ARHGAP32: variants seen among roughly 807,000 people sequenced by gnomAD.
ARHGAP32 encodes the protein rho GTPase-activating protein 32.
ARHGAP32 carries 51 observed loss-of-function variants against 186.5 expected under a neutral mutation model. The ratio of observed to expected loss-of-function variants is 0.27; its 90% CI spans 0.22 to 0.35. The LOEUF is 0.35. Ranked by LOEUF, ARHGAP32 falls within the 10% of genes least tolerant of loss-of-function variation. The pLI is 1.00. For synonymous variants in ARHGAP32, 950 were observed against 964.3 expected, an observed-to-expected ratio of 0.99 and a Z score of 0.27; for missense variants, 2,186 against 2,623.5, an observed-to-expected ratio of 0.83 and a Z score of 3.64.
At chr11:129,063,040 AGT>A (rs1940564483) in intron 9 of ARHGAP32, among the ~76,000 whole-genome samples, 1 of 152,134 alleles carries the variant, frequency 6.6e-6, no homozygotes, top group African/African-American at 2.4e-5. Context: ...ATTCAATGGA[AGT>A]TATATTCTTC....
intron 11 of ARHGAP32, among the ~76,000 whole-genome samples, chr11:129,029,758 C>T (rs542831207): frequency 2.8e-3 from 381 of 138,306 alleles, no homozygotes; most frequent in African/African-American, 9.9e-3. Context: ...GCCGAGATCG[C>T]ACCACTGCAC....
At chr11:129,045,604 A>G (rs750703594) in intron 10 of ARHGAP32, among the ~76,000 whole-genome samples, 19 of 152,234 alleles carry the variant, frequency 1.2e-4, no homozygotes, top group Non-Finnish European at 2.4e-4. Context: ...ACTTCACCTA[A>G]GATTTCACCA....
chr11:129,042,097 A>C (rs538131528), intron 10 of ARHGAP32, among the ~76,000 whole-genome samples: 1 of 152,306 alleles, frequency 6.6e-6, no homozygotes, highest in African/African-American at 2.4e-5. Context: ...TAAAATTGTG[A>C]AGATATAAAC....
intron 1 of ARHGAP32, among the ~76,000 whole-genome samples, chr11:129,247,957 C>A (rs904339704): frequency 2.0e-5 from 3 of 151,952 alleles, no homozygotes; most frequent in Non-Finnish European, 4.4e-5. Flanking sequence ...AATTAAAAAA[C>A]CCAAACATCT....
intron 11 of ARHGAP32, among the ~76,000 whole-genome samples, chr11:129,005,336 A>G (rs1937706101): frequency 6.6e-6 from 1 of 152,176 alleles, no homozygotes; most frequent in Non-Finnish European, 1.5e-5. Flanking sequence ...TGTACTTACT[A>G]TTACCAGTGA....
At chr11:129,086,690 G>T (rs985331442) in intron 6 of ARHGAP32, among the ~76,000 whole-genome samples, 1 of 152,056 alleles carries the variant, frequency 6.6e-6, no homozygotes, top group Admixed American at 6.5e-5. Context: ...GCGTGGTGGT[G>T]GGCGCCTGTA....
At chr11:129,017,203 C>T (rs1938387607) in intron 11 of ARHGAP32, among the ~76,000 whole-genome samples, 4 of 152,064 alleles carry the variant, frequency 2.6e-5, no homozygotes, top group Admixed American at 1.3e-4. Context: ...TGCCTGTAAT[C>T]CCAGCACTTT....
At chr11:129,075,469 AAC>A (rs1163347467) in intron 6 of ARHGAP32, among the ~76,000 whole-genome samples, 5 of 152,322 alleles carry the variant, frequency 3.3e-5, no homozygotes, top group Middle Eastern at 3.4e-3. Flanking sequence ...TGTGCTTAAA[AAC>A]AGACTATGAA....
chr11:129,124,226 A>C (rs1942603557), intron 3 of ARHGAP32, among the ~76,000 whole-genome samples: 1 of 152,206 alleles, frequency 6.6e-6, no homozygotes, highest in Admixed American at 6.5e-5. Flanking sequence ...CCTGAAGGTA[A>C]TGTTATACAA....
At chr11:129,095,218 C>A (rs1171999359) in intron 5 of ARHGAP32, among the ~76,000 whole-genome samples, 2 of 152,164 alleles carry the variant, frequency 1.3e-5, no homozygotes, top group Non-Finnish European at 2.9e-5. Flanking sequence ...AAAGTGACAA[C>A]ACTTTCATGA....
chr11:129,247,453 A>G (rs931142890), intron 1 of ARHGAP32, among the ~76,000 whole-genome samples: 1 of 152,220 alleles, frequency 6.6e-6, no homozygotes, highest in Non-Finnish European at 1.5e-5. Flanking sequence ...ACATACATCA[A>G]AGGAGGAGAA....
chr11:129,004,370 T>C (rs978525740), intron 11 of ARHGAP32, among the ~76,000 whole-genome samples: 25 of 151,794 alleles, frequency 1.6e-4, no homozygotes, highest in Non-Finnish European at 3.5e-4. Flanking sequence ...TGAAGTGTCC[T>C]GTAAATATTT....
rs561408811 is a variant in ARHGAP32 at position 129,217,315 on chromosome 11, C to G, written c.-4-52888G>C. Among the ~76,000 whole-genome samples, 315 of 152,192 alleles carry G rather than the reference C, an allele frequency of 2.1e-3. 1 individual carries two copies. The highest frequency in any genetic ancestry group is 4.6e-3 in the South Asian group (22 of 4,830). On this transcript the variant is annotated intron_variant, in intron 1 of 6. Transcript: ENST00000525234. The stretch of plus-strand genomic sequence containing the variant: ...AAACCTGTGGTCTATGCTCTGAAAA[C>G]TAAGCTGCCACCACAGTAACACAAA...
At chr11:129,174,409 G>A (rs974881085) in intron 1 of ARHGAP32, among the ~76,000 whole-genome samples, 3 of 152,216 alleles carry the variant, frequency 2.0e-5, no homozygotes, top group African/African-American at 7.2e-5. Flanking sequence ...AAACAAAGCA[G>A]CCAGAAAGCT....
At chr11:129,058,957 T>C (rs1016116918) in intron 10 of ARHGAP32, among the ~76,000 whole-genome samples, 3 of 152,206 alleles carry the variant, frequency 2.0e-5, no homozygotes, top group African/African-American at 7.2e-5. Flanking sequence ...CAGCATACAA[T>C]TGATTAATCA....
chr11:129,235,900 A>AACACAC (rs57291313), intron 1 of ARHGAP32, among the ~76,000 whole-genome samples: 31,303 of 145,278 alleles, frequency 0.22, 3,496 homozygotes, highest in Non-Finnish European at 0.25. Flanking sequence ...GTCATTCATA[A>AACACAC]ACACACACAC....
At chr11:128,996,434 A>AGT (rs1946200707) in intron 12 of ARHGAP32, among the ~76,000 whole-genome samples, 1 of 152,154 alleles carries the variant, frequency 6.6e-6, no homozygotes, top group South Asian at 2.1e-4. Context: ...TTATATGAAA[A>AGT]GTATATATAT....
chr11:129,265,975 A>G (rs775717346), intron 1 of ARHGAP32, among the ~76,000 whole-genome samples: 32 of 152,206 alleles, frequency 2.1e-4, no homozygotes, highest in Admixed American at 2.0e-3. Flanking sequence ...CATAAAAATA[A>G]TTCTGTTTAG....
intron 13 of ARHGAP32, among the ~76,000 whole-genome samples, chr11:128,987,635 A>G (rs1203620417): frequency 6.6e-6 from 1 of 152,244 alleles, no homozygotes; most frequent in Non-Finnish European, 1.5e-5. Flanking sequence ...GCATACTTGA[A>G]CATAAACACA....
Sources: gnomAD v4.1 joint callset for allele counts (sites outside exome capture counted in the v4.1 genomes callset) on GRCh38, gnomAD v4.1.1 for gene constraint, MANE v1.5 for transcripts, NCBI Gene and HGNC (gene_info 2026-07-23, HGNC 2026-07-21) for gene names.